The following C2CD2 variants were observed in gnomAD, a reference collection of about 807,000 sequenced individuals.
C2CD2 encodes C2 calcium dependent domain containing 2.
A neutral mutation model predicts 74.3 loss-of-function variants in C2CD2; 43 were observed. The ratio of observed to expected loss-of-function variants is 0.58; its 90% CI spans 0.45 to 0.75. C2CD2 has a LOEUF of 0.75. C2CD2 is among the 30% of genes least tolerant of loss of function. The pLI is 0.00. For synonymous variants in C2CD2, 422 were observed against 390.7 expected (o/e 1.08, Z -0.94); for missense variants, 801 against 916.3 (o/e 0.87, Z 1.63).
Position 41,886,457 on chromosome 21 carries a change from G to A in C2CD2, c.*2667C>T, listed in dbSNP as rs1433929170. The A allele has an allele frequency of 1.3e-5, 2 of 152,122 alleles. No individual in the cohort carries two copies. Among genetic ancestry groups the A allele is most frequent in the Admixed American group, 1.3e-4 (2 of 15,274 alleles). The allele number at this position is 152,122 out of a possible 1,614,324, so 9.4% of individuals were successfully genotyped here. A position where few individuals can be genotyped will look rare whatever the true frequency, so the allele number is the denominator to read the frequency against. On this transcript the variant is annotated 3_prime_UTR_variant, in exon 14 of 14. Coordinates refer to ENST00000380486, the MANE Select transcript of C2CD2 (RefSeq NM_015500.2). ...AGTATCAATACAGCCCATTTCTCAC[G>A]GTGCTACCCTGAAGCTAGCCGACGT...
At chr21:41,902,813 A>G (rs1396878387) in intron 11 of C2CD2, among the ~76,000 whole-genome samples, 1 of 152,078 alleles carries the variant, frequency 6.6e-6, no homozygotes, top group African/African-American at 2.4e-5. Flanking sequence ...AATCCTTTGA[A>G]TTCCAGAGCC....
At chr21:41,949,524 CTAT>C (rs780497027) in intron 1 of C2CD2, among the ~76,000 whole-genome samples, 2 of 152,288 alleles carry the variant, frequency 1.3e-5, no homozygotes, top group Non-Finnish European at 2.9e-5. Flanking sequence ...AAGAGGAACT[CTAT>C]TTACACTGTT....
chr21:41,914,517 T>C (rs942539022), intron 6 of C2CD2, 81 bp downstream of exon 6: 1 of 1,314,598 alleles, frequency 7.6e-7, no homozygotes, highest in Non-Finnish European at 1.0e-6. Context: ...CACCAGAGAA[T>C]CCAAGGCCCC....
intron 2 of C2CD2, among the ~76,000 whole-genome samples, chr21:41,930,345 A>T (rs1173382388): frequency 1.3e-5 from 2 of 150,056 alleles, no homozygotes; most frequent in Non-Finnish European, 3.0e-5. Flanking sequence ...GGGGAAGTGG[A>T]GAAAGAAAAG....
intron 13 of C2CD2, chr21:41,894,693 G>A (rs1417302159): frequency 2.2e-6 from 1 of 456,766 alleles, no homozygotes; most frequent in East Asian, 6.9e-5. Flanking sequence ...AGGGGAGGAG[G>A]ATTCCAGCCA....
At position 41,886,347 on chromosome 21, in the gene C2CD2, C is replaced by A. The variant is rs1397495428; in HGVS notation, c.*2777G>T. On this transcript the variant is annotated 3_prime_UTR_variant, in exon 14 of 14. Transcript: ENST00000380486. Reference sequence around the variant, plus strand: ...GTGGATAATCTTAATTTATCTTTAACCTTCACAACATTTACTTTGTCATAA... The same window carrying A: ...GTGGATAATCTTAATTTATCTTTAAACTTCACAACATTTACTTTGTCATAA... 6.6e-6 allele frequency: 1 copy of A among 152,238 alleles called. No individual in the cohort carries two copies. Among genetic ancestry groups the A allele is most frequent in the Non-Finnish European group, 1.5e-5 (1 of 68,050 alleles). 9.4% of individuals were successfully genotyped at this position (152,238 alleles called of 1,614,324 possible).
In C2CD2 at chr21:41,888,828, G is replaced by A; in HGVS notation, c.*296C>T. 1 of 456,998 alleles carries A rather than the reference G, an allele frequency of 2.2e-6. No homozygotes were observed. Among genetic ancestry groups the A allele is most frequent in the East Asian group, 4.1e-5 (1 of 24,180 alleles). The allele number at this position is 456,998 out of a possible 1,614,324, so 28.3% of individuals were successfully genotyped here. On this transcript the variant is annotated 3_prime_UTR_variant, in exon 14 of 14. Coordinates refer to ENST00000380486, the MANE Select transcript of C2CD2 (RefSeq NM_015500.2). ...TAGAGCATATTATTTCACTTATAATGTTAATCTCCTTCTAATATTGAACCC... is the reference window on the plus strand; with the variant it reads ...TAGAGCATATTATTTCACTTATAATATTAATCTCCTTCTAATATTGAACCC...
In C2CD2 at chr21:41,924,474, A is replaced by G. The variant is rs952441937; in HGVS notation, c.379-2389T>C. 6.6e-6 allele frequency among the ~76,000 whole-genome samples: 1 copy of G among 152,254 alleles called. No individual in the cohort carries two copies. The highest frequency in any genetic ancestry group is 2.4e-5 in the African/African-American group (1 of 41,466). On this transcript the variant is annotated intron_variant, in intron 2 of 13. Coordinates refer to ENST00000380486, the MANE Select transcript of C2CD2 (RefSeq NM_015500.2). This position sits in a 1 kb window ranked among gnomAD's most constrained non-coding sequence, Gnocchi z 4.4. ...TCAGAAGACTGATACACATGAGTTA[A>G]TTACATATTTCCATCATCTCCAGAG...
rs1035441965 is a variant in C2CD2 at position 41,885,548 on chromosome 21, G to C, written c.*3576C>G. 6.6e-6 allele frequency: 1 copy of C among 152,664 alleles called. No homozygotes were observed. Among genetic ancestry groups the C allele is most frequent in the Non-Finnish European group, 1.5e-5 (1 of 68,114 alleles). 9.5% of individuals were successfully genotyped at this position (152,664 alleles called of 1,614,324 possible). On this transcript the variant is annotated 3_prime_UTR_variant, in exon 14 of 14. Transcript: ENST00000380486. ...CCCTGTGCAGGCTGCTTTGGTCTTC[G>C]TGTCTAGGCCGGTTTGGGGCAGTGG...
chr21:41,890,839 T>C (rs2064744156), intron 13 of C2CD2, among the ~76,000 whole-genome samples: 1 of 152,176 alleles, frequency 6.6e-6, no homozygotes, highest in Admixed American at 6.5e-5. Context: ...AATCTTTGTA[T>C]AATCAAAGCC....
Position 41,886,202 on chromosome 21 carries a change from C to T in C2CD2, c.*2922G>A, listed in dbSNP as rs1254127426. 2 of 152,138 alleles carry T rather than the reference C, an allele frequency of 1.3e-5. No homozygotes were observed. Among genetic ancestry groups the T allele is most frequent in the African/African-American group, 4.8e-5 (2 of 41,424 alleles). The allele number at this position is 152,138 out of a possible 1,614,324, so 9.4% of individuals were successfully genotyped here. On this transcript the variant is annotated 3_prime_UTR_variant, in exon 14 of 14. Transcript: ENST00000380486. The stretch of plus-strand genomic sequence containing the variant: ...TGTTCATGAGGAATTGTTTTTAAAA[C>T]ACAACTGGGCAAAACTTTCATCCAG...
intron 12 of C2CD2, chr21:41,901,269 G>T: frequency 2.9e-6 from 1 of 346,144 alleles, no homozygotes; most frequent in Non-Finnish European, 5.5e-6. Flanking sequence ...CACGTGGAAA[G>T]TGAAAGTTCC....
intron 2 of C2CD2, 148 bp from the exon 3 acceptor site, chr21:41,922,233 A>T (rs2065163079): frequency 3.4e-6 from 2 of 586,260 alleles, no homozygotes; most frequent in African/African-American, 3.8e-5. Flanking sequence ...ATCTCAGCTC[A>T]CTGCAACCTC....
rs904287933 is a variant in C2CD2 at position 41,946,299 on chromosome 21, C to T, written c.280-4054G>A. ...AGGTGACATGATGTGGATCTGTGTC[C>T]CTGCCCAAATCTCATGTCGAATTTT... On this transcript the variant is annotated intron_variant, in intron 1 of 13. Coordinates refer to ENST00000380486, the MANE Select transcript of C2CD2 (RefSeq NM_015500.2). Among the ~76,000 whole-genome samples, 10 of 152,120 alleles carry T rather than the reference C, an allele frequency of 6.6e-5. 1 individual carries two copies. In the South Asian group the frequency reaches 1.2e-3, roughly 19 times the overall value.
chr21:41,942,495 G>C (rs981384632), intron 1 of C2CD2, among the ~76,000 whole-genome samples: 1 of 152,206 alleles, frequency 6.6e-6, no homozygotes, highest in African/African-American at 2.4e-5. Flanking sequence ...AGGAACCCGG[G>C]AGTAAACCTG....
At chr21:41,943,345 C>A (rs2065371109) in intron 1 of C2CD2, among the ~76,000 whole-genome samples, 1 of 152,122 alleles carries the variant, frequency 6.6e-6, no homozygotes, top group African/African-American at 2.4e-5. Context: ...TGAACAGGAC[C>A]ACAAGGCAAC....
chr21:41,943,565 A>G (rs1569082856), intron 1 of C2CD2, among the ~76,000 whole-genome samples: 1 of 152,292 alleles, frequency 6.6e-6, no homozygotes, highest in East Asian at 1.9e-4. Context: ...ACACAGCCCC[A>G]CAAGCTCCCA....
In C2CD2 at chr21:41,926,459, G is replaced by A. The variant is rs188951150; in HGVS notation, c.379-4374C>T. ...CCTGGGCAGCAGATGGAAGCACCAC[G>A]GGGAGGGGAAAACAAGACTGAAGGC... On this transcript the variant is annotated intron_variant, in intron 2 of 13. Transcript: ENST00000380486. This position sits in a 1 kb window ranked among gnomAD's most constrained non-coding sequence, Gnocchi z 8.0. 1.2e-3 allele frequency: 1,173 copies of A among 948,694 alleles called. 6 individuals are homozygous for A. In the African/African-American group the frequency reaches 0.015, roughly 12 times the overall value. 58.8% of individuals were successfully genotyped at this position (948,694 alleles called of 1,614,324 possible).
chr21:41,889,086 G>A lies in C2CD2; in HGVS notation c.*38C>T. 6.7e-7 allele frequency: 1 copy of A among 1,498,328 alleles called. No individual in the cohort carries two copies. Among genetic ancestry groups the A allele is most frequent in the East Asian group, 2.3e-5 (1 of 44,262 alleles). 92.8% of individuals were successfully genotyped at this position (1,498,328 alleles called of 1,614,324 possible). A position where few individuals can be genotyped will look rare whatever the true frequency, so the allele number is the denominator to read the frequency against. The stretch of plus-strand genomic sequence containing the variant: ...GTCCTGGTGAGGGTAGTTAACATGG[G>A]TGCACGTCTTCTGGCTTGGAGGTGA... On this transcript the variant is annotated 3_prime_UTR_variant, in exon 14 of 14. Coordinates refer to ENST00000380486, the MANE Select transcript of C2CD2 (RefSeq NM_015500.2).
Sources: allele counts gnomAD v4.1 joint callset (sites outside exome capture counted in the v4.1 genomes callset), GRCh38; gene constraint gnomAD v4.1.1; non-coding constraint Gnocchi (gnomAD v3.1); transcripts MANE v1.5; gene names NCBI Gene and HGNC (gene_info 2026-07-23, HGNC 2026-07-21).